CSMD1: variants seen among roughly 807,000 people sequenced by gnomAD.
CSMD1 encodes CUB and Sushi multiple domains 1.
Under a neutral mutation model 417.5 loss-of-function variants are expected in CSMD1, and 213 were observed. The ratio of observed to expected loss-of-function variants is 0.51; its 90% CI spans 0.46 to 0.57. The LOEUF (loss-of-function observed/expected upper bound fraction) is 0.57. CSMD1 is among the 20% of genes least tolerant of loss of function. The probability of loss-of-function intolerance (pLI) is 0.00; values close to 1 mark genes in which losing one functional copy is unlikely to be tolerated. For synonymous variants in CSMD1, 2,862 were observed against 1,736.8 expected (o/e 1.65, Z -16.11); for missense variants, 6,923 against 4,529.7 (o/e 1.53, Z -15.17).
At chr8:3,646,355 A>G (rs577602556) in intron 7 of CSMD1, among the ~76,000 whole-genome samples, 409 of 152,284 alleles carry the variant, frequency 2.7e-3, no homozygotes, top group African/African-American at 9.3e-3. Context: ...TTTTATATGT[A>G]TTTTCCAACT....
chr8:3,911,532 T>TTA (rs1319794816), intron 5 of CSMD1, among the ~76,000 whole-genome samples: 1 of 114,206 alleles, frequency 8.8e-6, no homozygotes, highest in Admixed American at 9.4e-5. Context: ...CGTCTCAAAA[T>TTA]AAAAAAAAAA....
At chr8:4,276,883 A>C (rs541212375) in intron 3 of CSMD1, among the ~76,000 whole-genome samples, 10 of 152,216 alleles carry the variant, frequency 6.6e-5, no homozygotes, top group Non-Finnish European at 1.2e-4. Context: ...AAAACATTTA[A>C]ATACATAGTT....
In CSMD1 at chr8:4,867,972, C is replaced by CAT. The variant is rs10666845; in HGVS notation, c.85+126359_85+126360insAT. The stretch of plus-strand genomic sequence containing the variant: ...TCTACAAGTGCCTTAGATATTTACA[C>CAT]GTTTGTACATCCTTTAAATTCAGTT... On this transcript the variant is annotated intron_variant, in intron 1 of 69. Transcript: ENST00000635120. Among the ~76,000 whole-genome samples, 228 of 151,862 alleles carry CAT rather than the reference C, an allele frequency of 1.5e-3. 2 individuals are homozygous for CAT. Among genetic ancestry groups the CAT allele is most frequent in the Admixed American group, 6.7e-3 (102 of 15,272 alleles).
chr8:4,543,376 A>G (rs986318869), intron 2 of CSMD1, among the ~76,000 whole-genome samples: 6 of 152,234 alleles, frequency 3.9e-5, no homozygotes, highest in African/African-American at 1.4e-4. Flanking sequence ...AGAATGTCAT[A>G]TATCTGGAAT....
intron 11 of CSMD1, among the ~76,000 whole-genome samples, chr8:3,477,037 C>T (rs1430309690): frequency 1.3e-5 from 2 of 152,054 alleles, no homozygotes; most frequent in African/African-American, 4.8e-5. Flanking sequence ...TCTGATTTTG[C>T]TGGTGGTTAC....
At chr8:3,206,335 G>A (rs1179319732) in intron 30 of CSMD1, among the ~76,000 whole-genome samples, 5 of 137,740 alleles carry the variant, frequency 3.6e-5, no homozygotes, top group African/African-American at 1.4e-4. Context: ...ATGTGTGTAT[G>A]TGTGTTTGGG....
At chr8:3,460,655 C>A (rs55877474) in intron 12 of CSMD1, among the ~76,000 whole-genome samples, 7 of 151,966 alleles carry the variant, frequency 4.6e-5, no homozygotes, top group African/African-American at 1.7e-4. Flanking sequence ...CTAGACGGAA[C>A]TGACCGAAAT....
intron 2 of CSMD1, among the ~76,000 whole-genome samples, chr8:4,546,801 C>T (rs1307844471): frequency 1.3e-5 from 2 of 151,596 alleles, no homozygotes; most frequent in African/African-American, 4.8e-5. Context: ...AAAATATATG[C>T]ATAGTTATAT....
At position 3,052,448 on chromosome 8, in the gene CSMD1, C is replaced by T. The variant is rs1197794165; in HGVS notation, c.7660+14G>A. On this transcript the variant is annotated intron_variant, in intron 50 of 69. Coordinates refer to ENST00000635120, the MANE Select transcript of CSMD1 (RefSeq NM_033225.6). ...TAAACCCACAAAGATGGGCAGATGC[C>T]CCTGAACACTTACGCTTACACGTGG... 9 of 1,556,124 alleles carry T rather than the reference C, an allele frequency of 5.8e-6. No homozygotes were observed. The highest frequency in any genetic ancestry group is 3.5e-6 in the Non-Finnish European group (4 of 1,149,290).
intron 3 of CSMD1, among the ~76,000 whole-genome samples, chr8:4,405,826 C>A (rs1307264886): frequency 6.6e-6 from 1 of 152,146 alleles, no homozygotes; most frequent in African/African-American, 2.4e-5. Context: ...GCAGTGCGTG[C>A]CTCCAAGACA....
intron 49 of CSMD1, among the ~76,000 whole-genome samples, chr8:3,074,489 A>C (rs1445919918): frequency 6.6e-6 from 1 of 152,236 alleles, no homozygotes; most frequent in Non-Finnish European, 1.5e-5. Flanking sequence ...AGAAGCTTCC[A>C]GAAGCAAGCC....
intron 3 of CSMD1, among the ~76,000 whole-genome samples, chr8:4,280,141 C>G (rs1263535295): frequency 2.0e-5 from 3 of 152,154 alleles, no homozygotes; most frequent in Non-Finnish European, 4.4e-5. Flanking sequence ...TGTAAATATT[C>G]TGAATTATTT....
In CSMD1 at chr8:2,962,509, G is replaced by A. The variant is rs752623893; in HGVS notation, c.9585C>T (p.Cys3195=). The A allele has an allele frequency of 3.1e-6, 5 of 1,613,778 alleles. No individual in the cohort carries two copies. Among genetic ancestry groups the A allele is most frequent in the Non-Finnish European group, 4.2e-6 (5 of 1,179,826 alleles). Residue 3195 remains cysteine, a synonymous_variant, in exon 61 of 70, where the codon TGC becomes TGT. Transcript: ENST00000635120. ...TGCCGCTCCACGTGCCGTCAGCTTG[G>A]CAGACTCTTCTGGAGGATCCCACGA... ...FILVGSSRRV[C]QADGTWSGIQ... is the part of the protein sequence containing the mutation.
chr8:3,205,386 C>A, intron 31 of CSMD1, 118 bp downstream of exon 31: 1 of 594,208 alleles, frequency 1.7e-6, no homozygotes, highest in South Asian at 2.1e-5. Context: ...AAATGCAACT[C>A]ATTTGCTTTT....
intron 6 of CSMD1, among the ~76,000 whole-genome samples, chr8:3,716,775 G>T (rs1273494084): frequency 6.6e-6 from 1 of 152,064 alleles, no homozygotes; most frequent in East Asian, 1.9e-4. Flanking sequence ...TGACAATATG[G>T]TTCAACTTTC....
chr8:3,844,237 C>A (rs1036964835), intron 5 of CSMD1, among the ~76,000 whole-genome samples: 1 of 152,132 alleles, frequency 6.6e-6, no homozygotes, highest in African/African-American at 2.4e-5. Context: ...TGGCTAAAAT[C>A]TCTGTTGAGA....
chr8:4,517,024 T>G (rs1039460752), intron 2 of CSMD1, among the ~76,000 whole-genome samples: 5 of 152,206 alleles, frequency 3.3e-5, no homozygotes, highest in Non-Finnish European at 5.9e-5. Flanking sequence ...GTTTAAGATT[T>G]GGAAGACTAA....
chr8:4,454,527 G>T (rs115610504), intron 2 of CSMD1, among the ~76,000 whole-genome samples: 1 of 152,130 alleles, frequency 6.6e-6, no homozygotes, highest in Non-Finnish European at 1.5e-5. Flanking sequence ...AAAAAGTGTG[G>T]TTTCTGATTT....
At chr8:3,932,086 A>G (rs1427747183) in intron 5 of CSMD1, among the ~76,000 whole-genome samples, 1 of 150,490 alleles carries the variant, frequency 6.6e-6, no homozygotes, top group Non-Finnish European at 1.5e-5. Context: ...TATTGGAATG[A>G]CACACATCCA....
Sources: allele counts gnomAD v4.1 joint callset (sites outside exome capture counted in the v4.1 genomes callset), GRCh38; gene constraint gnomAD v4.1.1; transcripts MANE v1.5; gene names NCBI Gene and HGNC (gene_info 2026-07-23, HGNC 2026-07-21).